CLVS1: variants seen among roughly 807,000 people sequenced by gnomAD.
CLVS1 encodes the protein clavesin 1, also known as clavesin-1.
A neutral mutation model predicts 33.1 loss-of-function variants in CLVS1; 10 were observed. That is an observed-to-expected ratio of 0.30 (90% confidence interval 0.19 to 0.51). The LOEUF (loss-of-function observed/expected upper bound fraction) is 0.51, where lower values mean the gene tolerates loss of function less well. CLVS1 is among the 20% of genes least tolerant of loss of function. CLVS1 has a pLI of 0.97. For missense variants in CLVS1, 343 were observed against 433.4 expected (o/e 0.79, Z 1.85); for synonymous variants, 163 against 166.1 (o/e 0.98, Z 0.14).
intron 2 of CLVS1, among the ~76,000 whole-genome samples, chr8:61,375,143 AAG>A (rs1410796745): frequency 2.6e-5 from 4 of 152,128 alleles, no homozygotes; most frequent in Non-Finnish European, 5.9e-5. Flanking sequence ...CAACTAAAAT[AAG>A]AGTCCTTTGA....
chr8:61,196,048 A>T (rs1425250501), intron 2 of CLVS1, among the ~76,000 whole-genome samples: 2 of 152,154 alleles, frequency 1.3e-5, no homozygotes, highest in East Asian at 1.9e-4. Flanking sequence ...CAAATCTTCA[A>T]AATAGGATGG....
At chr8:61,392,431 T>A (rs1814339900) in intron 3 of CLVS1, among the ~76,000 whole-genome samples, 1 of 152,208 alleles carries the variant, frequency 6.6e-6, no homozygotes, top group South Asian at 2.1e-4. Context: ...GTTATCTGAT[T>A]TTCTCTGATT....
intron 1 of CLVS1, among the ~76,000 whole-genome samples, chr8:61,117,723 C>A (rs1805757353): frequency 6.6e-6 from 1 of 152,206 alleles, no homozygotes; most frequent in Non-Finnish European, 1.5e-5. Flanking sequence ...GGATGAAGCC[C>A]ACTTGATCAT....
the CLVS1 span, among the ~76,000 whole-genome samples, chr8:60,975,637 A>G: frequency 6.6e-6 from 1 of 152,112 alleles, no homozygotes; most frequent in Non-Finnish European, 1.5e-5. Context: ...TTAATTTTGG[A>G]CTTCTGGTCT....
At chr8:61,274,847 T>A (rs1345481533) in intron 2 of CLVS1, among the ~76,000 whole-genome samples, 2 of 152,248 alleles carry the variant, frequency 1.3e-5, no homozygotes, top group African/African-American at 4.8e-5. Flanking sequence ...GTTACAACTC[T>A]GTCCATTTCT....
chr8:60,977,874 C>A, the CLVS1 span, among the ~76,000 whole-genome samples: 1 of 152,174 alleles, frequency 6.6e-6, no homozygotes, highest in African/African-American at 2.4e-5. Context: ...TAGTCAAATT[C>A]TTGAAACCAA....
chr8:61,088,841 G>A (rs1805176790), intron 1 of CLVS1, among the ~76,000 whole-genome samples: 1 of 146,974 alleles, frequency 6.8e-6, no homozygotes, highest in Non-Finnish European at 1.5e-5. Flanking sequence ...TCGCTCTGTC[G>A]CCCAGGCTGG....
the CLVS1 span, among the ~76,000 whole-genome samples, chr8:61,049,485 C>G: frequency 6.6e-6 from 1 of 152,126 alleles, no homozygotes; most frequent in African/African-American, 2.4e-5. Flanking sequence ...AGAACTTCAT[C>G]AATTTGATTT....
intron 2 of CLVS1, among the ~76,000 whole-genome samples, chr8:61,352,980 A>G (rs1415675753): frequency 1.3e-5 from 2 of 152,020 alleles, no homozygotes; most frequent in Non-Finnish European, 1.5e-5. Flanking sequence ...TGATATCCTC[A>G]GGAATCCTGG....
chr8:61,297,182 C>T (rs1302030753), intron 1 of CLVS1, among the ~76,000 whole-genome samples: 1 of 152,094 alleles, frequency 6.6e-6, no homozygotes, highest in Non-Finnish European at 1.5e-5. Flanking sequence ...AATCATGTTA[C>T]ATAGTTTTAT....
chr8:61,250,838 A>G (rs1395116430), intron 2 of CLVS1, among the ~76,000 whole-genome samples: 5 of 152,192 alleles, frequency 3.3e-5, no homozygotes, highest in Admixed American at 1.3e-4. Context: ...GGTTTTCTAA[A>G]TATACAATCA....
At chr8:61,247,956 T>A (rs542208542) in intron 2 of CLVS1, among the ~76,000 whole-genome samples, 12 of 152,352 alleles carry the variant, frequency 7.9e-5, no homozygotes, top group African/African-American at 2.6e-4. Context: ...GAATTGATTT[T>A]TGTATATGGT....
At chr8:61,393,449 G>A (rs1040631827) in intron 3 of CLVS1, among the ~76,000 whole-genome samples, 2 of 152,148 alleles carry the variant, frequency 1.3e-5, no homozygotes, top group African/African-American at 2.4e-5. Context: ...TGGAGAGCTA[G>A]TGTGGTCTTT....
intron 3 of CLVS1, chr8:61,377,542 C>T (rs1813696641): frequency 6.6e-6 from 1 of 152,156 alleles, no homozygotes; most frequent in African/African-American, 2.4e-5. Context: ...TGGAGTGACC[C>T]TCTCCCCATA....
chr8:61,301,188 G>A (rs6997673), intron 2 of CLVS1: 40,181 of 152,128 alleles, frequency 0.26, 7,809 homozygotes, highest in East Asian at 0.84. Context: ...CTTATGATCC[G>A]CCTTCTGCAT....
intron 1 of CLVS1, among the ~76,000 whole-genome samples, chr8:61,068,187 A>G (rs763575112): frequency 7.4e-6 from 1 of 134,474 alleles, no homozygotes; most frequent in Non-Finnish European, 1.5e-5. Flanking sequence ...AAAAGAATAT[A>G]TATGTGTATA....
At chr8:61,265,808 T>G (rs1396041491) in intron 2 of CLVS1, among the ~76,000 whole-genome samples, 1 of 152,154 alleles carries the variant, frequency 6.6e-6, no homozygotes, top group Admixed American at 6.5e-5. Flanking sequence ...CTGCCTTCTT[T>G]CCCATCTTAT....
intron 2 of CLVS1, among the ~76,000 whole-genome samples, chr8:61,157,504 TAG>T (rs1245289177): frequency 6.6e-6 from 1 of 152,178 alleles, no homozygotes; most frequent in East Asian, 1.9e-4. Flanking sequence ...ACAAATTTCC[TAG>T]AGAGTACCCA....
intron 3 of CLVS1, among the ~76,000 whole-genome samples, chr8:61,385,424 C>T (rs1396625791): frequency 1.3e-5 from 2 of 152,142 alleles, no homozygotes; most frequent in Non-Finnish European, 2.9e-5. Context: ...AGAGTTAAAG[C>T]AGCATTTGGC....
Sources: gnomAD v4.1 joint callset for allele counts (sites outside exome capture counted in the v4.1 genomes callset) on GRCh38, gnomAD v4.1.1 for gene constraint, MANE v1.5 for transcripts, NCBI Gene and HGNC (gene_info 2026-07-23, HGNC 2026-07-21) for gene names.